Variants in ZNF804B observed in about 807,000 individuals in gnomAD.
ZNF804B encodes zinc finger protein 804B, also known as zinc finger 804B.
Under a neutral mutation model 101.4 loss-of-function variants are expected in ZNF804B, and 80 were observed. The ratio of observed to expected loss-of-function variants is 0.79; its 90% CI spans 0.66 to 0.95. The LOEUF (loss-of-function observed/expected upper bound fraction) is 0.95. Among genes scored for constraint, ZNF804B ranks in the 40% least tolerant of loss-of-function variants. The pLI, the probability that ZNF804B is intolerant of heterozygous loss-of-function variation, is 0.00. For missense variants in ZNF804B, 1,673 were observed against 1,561.9 expected, an observed-to-expected ratio of 1.07 and a Z score of -1.20; for synonymous variants, 622 against 558.8, an observed-to-expected ratio of 1.11 and a Z score of -1.59.
intron 1 of ZNF804B, among the ~76,000 whole-genome samples, chr7:89,030,601 T>C (rs1053648694): frequency 5.3e-5 from 8 of 152,170 alleles, no homozygotes; most frequent in Non-Finnish European, 8.8e-5. Context: ...CTGTCAAATA[T>C]CTTAACTTTT....
At chr7:88,812,195 A>G (rs1790800706) in intron 1 of ZNF804B, among the ~76,000 whole-genome samples, 2 of 152,306 alleles carry the variant, frequency 1.3e-5, no homozygotes, top group African/African-American at 4.8e-5. Context: ...TATGAATCCA[A>G]GGAAGATTGT....
Position 89,337,282 on chromosome 7 carries a change from A to C in ZNF804B, c.*250A>C, listed in dbSNP as rs2116013550. ...GTAGAGGGAAGAGGGAAAGAGTTAA[A>C]GATTTGTTTTGGATGGGTTCTCGCA... On this transcript the variant is annotated 3_prime_UTR_variant, in exon 4 of 4. Coordinates refer to ENST00000333190, the MANE Select transcript of ZNF804B (RefSeq NM_181646.5). 6.6e-6 allele frequency among the ~76,000 whole-genome samples: 1 copy of C among 152,212 alleles called. No individual in the cohort carries two copies. Among genetic ancestry groups the C allele is most frequent in the South Asian group, 2.1e-4 (1 of 4,818 alleles).
At chr7:88,780,578 G>C (rs1003496835) in intron 1 of ZNF804B, among the ~76,000 whole-genome samples, 1 of 151,398 alleles carries the variant, frequency 6.6e-6, no homozygotes, top group Non-Finnish European at 1.5e-5. Flanking sequence ...GTAGAGAAAG[G>C]GTTCCACCAT....
At chr7:89,262,031 G>A (rs983452753) in intron 2 of ZNF804B, among the ~76,000 whole-genome samples, 3 of 152,066 alleles carry the variant, frequency 2.0e-5, no homozygotes, top group Non-Finnish European at 4.4e-5. Flanking sequence ...TAGAACTTAC[G>A]TACTCTACCT....
At chr7:88,963,440 G>A (rs1030638814) in intron 1 of ZNF804B, among the ~76,000 whole-genome samples, 5 of 151,294 alleles carry the variant, frequency 3.3e-5, no homozygotes, top group African/African-American at 1.2e-4. Context: ...TCAACAGATG[G>A]TGCTAGGAAA....
At chr7:89,012,935 A>G (rs1017847033) in intron 1 of ZNF804B, among the ~76,000 whole-genome samples, 102 of 152,328 alleles carry the variant, frequency 6.7e-4, no homozygotes, top group Non-Finnish European at 9.4e-4. Flanking sequence ...ATGGCTGGGT[A>G]GCCCTCAGGA....
intron 1 of ZNF804B, among the ~76,000 whole-genome samples, chr7:88,973,023 A>G (rs916943385): frequency 2.0e-5 from 3 of 151,418 alleles, no homozygotes; most frequent in Non-Finnish European, 3.0e-5. Context: ...AATGACACAT[A>G]GATATCCTGC....
chr7:88,809,339 CTATCTAT>C (rs1790745494), intron 1 of ZNF804B, among the ~76,000 whole-genome samples: 8 of 147,706 alleles, frequency 5.4e-5, no homozygotes, highest in Middle Eastern at 3.7e-3. Flanking sequence ...ATCTATCTAT[CTATCTAT>C]CTATCTATCT....
chr7:88,913,250 A>T (rs1437923055), intron 1 of ZNF804B, among the ~76,000 whole-genome samples: 3 of 152,226 alleles, frequency 2.0e-5, no homozygotes, highest in Non-Finnish European at 4.4e-5. Context: ...GAAATAGTTA[A>T]GCATATTATA....
At chr7:88,998,412 C>A (rs147568131) in intron 1 of ZNF804B, among the ~76,000 whole-genome samples, 22 of 152,104 alleles carry the variant, frequency 1.4e-4, no homozygotes, top group African/African-American at 5.3e-4. Context: ...CAGAAAGACA[C>A]TGGATGGAAA....
At chr7:88,787,301 G>T (rs1790317287) in intron 1 of ZNF804B, among the ~76,000 whole-genome samples, 1 of 152,074 alleles carries the variant, frequency 6.6e-6, no homozygotes, top group South Asian at 2.1e-4. Flanking sequence ...GGAATCCATT[G>T]AATAATTTTG....
chr7:88,924,702 T>A (rs1478859887), intron 1 of ZNF804B, among the ~76,000 whole-genome samples: 1 of 152,144 alleles, frequency 6.6e-6, no homozygotes, highest in African/African-American at 2.4e-5. Context: ...GTTGTAACTC[T>A]CTCTCCTCAT....
intron 1 of ZNF804B, among the ~76,000 whole-genome samples, chr7:89,017,735 C>G (rs1398566670): frequency 6.6e-6 from 1 of 151,948 alleles, no homozygotes; most frequent in East Asian, 1.9e-4. Context: ...AGATTGATCA[C>G]CTTCTTGGTT....
chr7:89,256,129 C>A (rs1584086597), intron 2 of ZNF804B, among the ~76,000 whole-genome samples: 1 of 152,158 alleles, frequency 6.6e-6, no homozygotes, highest in South Asian at 2.1e-4. Context: ...TGTGACCAAG[C>A]AAATTCATAA....
intron 1 of ZNF804B, among the ~76,000 whole-genome samples, chr7:89,205,164 C>G (rs544373341): frequency 6.6e-6 from 1 of 152,090 alleles, no homozygotes; most frequent in African/African-American, 2.4e-5. Context: ...AAAAACCTAC[C>G]CTCCATGATT....
intron 2 of ZNF804B, among the ~76,000 whole-genome samples, chr7:89,298,706 T>G (rs2115916041): frequency 6.6e-6 from 1 of 152,074 alleles, no homozygotes; most frequent in East Asian, 1.9e-4. Flanking sequence ...TGTACAAATT[T>G]TATTATATTT....
At chr7:88,831,511 T>G (rs1562805814) in intron 1 of ZNF804B, among the ~76,000 whole-genome samples, 1 of 45,918 alleles carries the variant, frequency 2.2e-5, no homozygotes, top group Non-Finnish European at 3.7e-5. Flanking sequence ...AGAAATCAAA[T>G]TGTTTGGTCA....
chr7:88,854,518 T>TTCCC (rs1562812864), intron 1 of ZNF804B, among the ~76,000 whole-genome samples: 2 of 68,144 alleles, frequency 2.9e-5, no homozygotes, highest in Admixed American at 1.7e-4. Context: ...TTTCCTTTCC[T>TTCCC]TTCCTTCCTT....
chr7:89,152,951 T>C (rs932136993), intron 1 of ZNF804B, among the ~76,000 whole-genome samples: 3 of 152,094 alleles, frequency 2.0e-5, no homozygotes, highest in African/African-American at 7.2e-5. Flanking sequence ...TGGGCTGTCA[T>C]CCACAGGTGT....
Sources: gnomAD v4.1 joint callset for allele counts (sites outside exome capture counted in the v4.1 genomes callset) on GRCh38, gnomAD v4.1.1 for gene constraint, MANE v1.5 for transcripts, NCBI Gene and HGNC (gene_info 2026-07-23, HGNC 2026-07-21) for gene names.